The following GCGR variants were observed in gnomAD, a reference collection of about 807,000 sequenced individuals.
GCGR encodes glucagon receptor.
In GCGR, 41 loss-of-function variants were observed where a neutral mutation model predicts 56.1. That is an observed-to-expected ratio of 0.73 (90% CI 0.57 to 0.95). The LOEUF is 0.95. Among genes scored for constraint, GCGR ranks in the 40% least tolerant of loss-of-function variants. The pLI, the probability that GCGR is intolerant of heterozygous loss-of-function variation, is 0.00. For missense variants in GCGR, 595 were observed against 638.2 expected (o/e 0.93, Z 0.73); for synonymous variants, 278 against 271.1 (o/e 1.03, Z -0.25).
In GCGR at chr17:81,810,971, C is replaced by T. The variant is rs1157016484; in HGVS notation, c.271+39C>T. On this transcript the variant is annotated intron_variant, in intron 4 of 13. Transcript: ENST00000400723. The surrounding 1 kb of genome is among the most constrained non-coding windows in gnomAD (Gnocchi z 4.6). ...GGAGGAACTGTGGGGGGGGCGGGCC[C>T]AGGGTGGGGCTGACCCCAGCCTCCC... 10 of 1,416,290 alleles carry T rather than the reference C, an allele frequency of 7.1e-6. No homozygotes were observed. Among genetic ancestry groups the T allele is most frequent in the Non-Finnish European group, 9.6e-6 (10 of 1,043,532 alleles). The allele number at this position is 1,416,290 out of a possible 1,614,324, so 87.7% of individuals were successfully genotyped here. A position where few individuals can be genotyped will look rare whatever the true frequency, so the allele number is the denominator to read the frequency against.
rs146444812 is a variant in GCGR at position 81,806,158 on chromosome 17, C to T, written c.-178+1909C>T. ...GTGCTCAGCTGGAAATTGGTCCCCC[C>T]CCGGCTCCACCCACCCCTGTTGGGG... On this transcript the variant is annotated intron_variant, in intron 1 of 13. Coordinates refer to ENST00000400723, the MANE Select transcript of GCGR (RefSeq NM_000160.5). This position sits in a 1 kb window ranked among gnomAD's most constrained non-coding sequence, Gnocchi z 6.5. Among the ~76,000 whole-genome samples the T allele has an allele frequency of 1.8e-3, 271 of 152,264 alleles. No homozygotes were observed. Among genetic ancestry groups the T allele is most frequent in the African/African-American group, 6.1e-3 (254 of 41,544 alleles).
At chr17:81,809,988 C>A in intron 3 of GCGR, 104 bp downstream of exon 3, 1 of 865,222 alleles carries the variant, frequency 1.2e-6, no homozygotes, top group Non-Finnish European at 1.9e-6. Context: ...TTTGAGGACC[C>A]CGCCAAGGGG....
In GCGR at chr17:81,811,829, GA is replaced by G. The variant is rs1280646853; in HGVS notation, c.817+20del. On this transcript the variant is annotated intron_variant, in intron 8 of 13. Transcript: ENST00000400723. This position sits in a 1 kb window ranked among gnomAD's most constrained non-coding sequence, Gnocchi z 5.8. ...GGCTGGGGTGAGTGGGCTGGCATGA[GA>G]GGGGGTTAAGGCAGGCTGACCAAGC... 3.3e-6 allele frequency: 5 copies of G among 1,536,992 alleles called. No homozygotes were observed. Among genetic ancestry groups the G allele is most frequent in the Non-Finnish European group, 4.4e-6 (5 of 1,146,878 alleles).
rs1056254829 is a variant in GCGR, at chr17:81,806,781, C to T, written c.-177-2061C>T. On this transcript the variant is annotated intron_variant, in intron 1 of 13. Transcript: ENST00000400723. The surrounding 1 kb of genome is among the most constrained non-coding windows in gnomAD (Gnocchi z 6.5). Reference sequence around the variant, plus strand: ...GGTGGTCCTCCCCCCAGGGTGAGCACGCGTCCCCCCCCACCCCCACTTCGA... The same window carrying T: ...GGTGGTCCTCCCCCCAGGGTGAGCATGCGTCCCCCCCCACCCCCACTTCGA... Among the ~76,000 whole-genome samples the T allele has an allele frequency of 5.4e-4, 13 of 24,166 alleles. No individual in the cohort carries two copies. The highest frequency in any genetic ancestry group is 3.3e-3 in the Admixed American group (11 of 3,322). 15.9% of individuals were successfully genotyped at this position (24,166 alleles called of 152,430 possible). A position where few individuals can be genotyped will look rare whatever the true frequency, so the allele number is the denominator to read the frequency against.
At position 81,810,896 on chromosome 17, in the gene GCGR, A is replaced by G. The variant is rs1038824634; in HGVS notation, c.235A>G (p.Ile79Val). 55 of 1,535,950 alleles carry G rather than the reference A, an allele frequency of 3.6e-5. No homozygotes were observed. The highest frequency in any genetic ancestry group is 4.6e-5 in the Non-Finnish European group (53 of 1,146,634). The change falls in exon 4 of 14, where the codon ATC becomes GTC. Residue 79 changes from isoleucine (I) to valine (V), a missense_variant. Transcript: ENST00000400723. This position sits in a 1 kb window ranked among gnomAD's most constrained non-coding sequence, Gnocchi z 4.6. ...PDTPANTTAN[I>V]SCPWYLPWHH... ...CACCCCCGCCAATACCACGGCCAACATCTCCTGCCCCTGGTACCTGCCTTG... is the reference window on the plus strand; with the variant it reads ...CACCCCCGCCAATACCACGGCCAACGTCTCCTGCCCCTGGTACCTGCCTTG...
chr17:81,813,132 G>GCCAGCC lies in GCGR; in HGVS notation c.1218+79_1218+84dup. On this transcript the variant is annotated intron_variant, in intron 13 of 13. Transcript: ENST00000400723. The surrounding 1 kb of genome is among the most constrained non-coding windows in gnomAD (Gnocchi z 5.3). ...CAGGGGCAGAGAGAGGCACAGGGAT[G>GCCAGCC]CCAGCCCCACCCCTGCCCGGGGGTT... 1 of 1,529,834 alleles carries GCCAGCC rather than the reference G, an allele frequency of 6.5e-7. No homozygotes were observed. Among genetic ancestry groups the GCCAGCC allele is most frequent in the Non-Finnish European group, 8.8e-7 (1 of 1,142,820 alleles). 94.8% of individuals were successfully genotyped at this position (1,529,834 alleles called of 1,614,324 possible). A position where few individuals can be genotyped will look rare whatever the true frequency, so the allele number is the denominator to read the frequency against.
At position 81,812,433 on chromosome 17, in the gene GCGR, G is replaced by T; in HGVS notation, c.949-144G>T. The T allele has an allele frequency of 9.6e-7, 1 of 1,036,350 alleles. No individual in the cohort carries two copies. The highest frequency in any genetic ancestry group is 1.4e-6 in the Non-Finnish European group (1 of 716,354). The allele number at this position is 1,036,350 out of a possible 1,614,324, so 64.2% of individuals were successfully genotyped here. ...AGCCAGGCTGTTCCTCCCTGGCTGTGTGCCCACCAGCCCCAGGGCTATGTG... is the reference window on the plus strand; with the variant it reads ...AGCCAGGCTGTTCCTCCCTGGCTGTTTGCCCACCAGCCCCAGGGCTATGTG... On this transcript the variant is annotated intron_variant, in intron 10 of 13. Transcript: ENST00000400723. The surrounding 1 kb of genome is among the most constrained non-coding windows in gnomAD (Gnocchi z 8.5).
At chr17:81,805,807 C>T (rs2037950899) in intron 1 of GCGR, among the ~76,000 whole-genome samples, 1 of 152,122 alleles carries the variant, frequency 6.6e-6, no homozygotes, top group South Asian at 2.1e-4. Flanking sequence ...GTGGGTCGTC[C>T]CACCTACCAG....
Position 81,811,438 on chromosome 17 carries a change from A to G in GCGR, c.535A>G (p.Asn179Asp), listed in dbSNP as rs756243536. 1.3e-6 allele frequency: 2 copies of G among 1,536,572 alleles called. No homozygotes were observed. Among genetic ancestry groups the G allele is most frequent in the Non-Finnish European group, 1.7e-6 (2 of 1,146,854 alleles). Reference protein sequence around the residue: ...LHCTRNAIHANLFASFVLKAS... With the variant: ...LHCTRNAIHADLFASFVLKAS... ...CTGCACCCGCAATGCCATCCACGCG[A>G]ATCTGTTTGCGTCCTTCGTGCTGAA... Residue 179 changes from asparagine (N) to aspartate (D), a missense_variant, in exon 7 of 14, where the codon AAT becomes GAT. Transcript: ENST00000400723. The surrounding 1 kb of genome is among the most constrained non-coding windows in gnomAD (Gnocchi z 5.8).
rs1364717865 is a variant in GCGR at position 81,811,084 on chromosome 17, C to A, written c.346C>A (p.Arg116Ser). The A allele has an allele frequency of 6.5e-7, 1 of 1,536,038 alleles. No individual in the cohort carries two copies. The highest frequency in any genetic ancestry group is 8.7e-7 in the Non-Finnish European group (1 of 1,146,834). Residue 116 changes from arginine (R) to serine (S), a missense_variant, in exon 5 of 14, where the codon CGT (arginine) becomes AGT (serine). Coordinates refer to ENST00000400723, the MANE Select transcript of GCGR (RefSeq NM_000160.5). The surrounding 1 kb of genome is among the most constrained non-coding windows in gnomAD (Gnocchi z 5.8). The stretch of plus-strand genomic sequence containing the variant: ...GCGTGGACCCCGGGGGCAGCCTTGG[C>A]GTGATGCCTCCCAGTGCCAGATGGA... Reference protein sequence around the residue: ...WVRGPRGQPWRDASQCQMDGE... With the variant: ...WVRGPRGQPWSDASQCQMDGE...
In GCGR at chr17:81,810,859, C is replaced by A. The variant is rs1175216410; in HGVS notation, c.198C>A (p.Ser66=). 2.0e-6 allele frequency: 3 copies of A among 1,536,488 alleles called. No individual in the cohort carries two copies. The highest frequency in any genetic ancestry group is 2.7e-5 in the African/African-American group (2 of 73,016). ...LVCNRTFDKY[S]CWPDTPANTT... ...GCAACAGAACCTTCGACAAGTATTC[C>A]TGCTGGCCGGACACCCCCGCCAATA... The change falls in exon 4 of 14, where the codon TCC becomes TCA. Residue 66 remains serine (S), a synonymous_variant. Coordinates refer to ENST00000400723, the MANE Select transcript of GCGR (RefSeq NM_000160.5). This position sits in a 1 kb window ranked among gnomAD's most constrained non-coding sequence, Gnocchi z 4.6.
rs1264646918 is a variant in GCGR at position 81,810,886 on chromosome 17, C to T, written c.225C>T (p.Thr75=). 11 of 1,536,684 alleles carry T rather than the reference C, an allele frequency of 7.2e-6. No individual in the cohort carries two copies. The highest frequency in any genetic ancestry group is 9.6e-6 in the Non-Finnish European group (11 of 1,146,896). Residue 75 remains threonine (T), a synonymous_variant, in exon 4 of 14, where the codon ACC becomes ACT. Coordinates refer to ENST00000400723, the MANE Select transcript of GCGR (RefSeq NM_000160.5). This position sits in a 1 kb window ranked among gnomAD's most constrained non-coding sequence, Gnocchi z 4.6. The part of the protein sequence containing the change: ...YSCWPDTPAN[T]TANISCPWYL... ...GCTGGCCGGACACCCCCGCCAATAC[C>T]ACGGCCAACATCTCCTGCCCCTGGT...
At position 81,812,012 on chromosome 17, in the gene GCGR, A is replaced by G; in HGVS notation, c.878+66A>G. 1 of 1,518,058 alleles carries G rather than the reference A, an allele frequency of 6.6e-7. No homozygotes were observed. The highest frequency in any genetic ancestry group is 1.2e-5 in the South Asian group (1 of 83,616). 94.0% of individuals were successfully genotyped at this position (1,518,058 alleles called of 1,614,324 possible). On this transcript the variant is annotated intron_variant, in intron 9 of 13. Coordinates refer to ENST00000400723, the MANE Select transcript of GCGR (RefSeq NM_000160.5). This position sits in a 1 kb window ranked among gnomAD's most constrained non-coding sequence, Gnocchi z 8.5. ...GGCTGGGGTGCGGCGCTCTGGCCTG[A>G]GGCAGGGAGGGGCCGGGGATGAGCC...
At position 81,804,357 on chromosome 17, in the gene GCGR, C is replaced by A; in HGVS notation, c.-178+108C>A. ...GCCGGGGGCGCGGGGAGCGGGGAGC[C>A]GGCCGGGCGGTCTCCGGGGTCCGGG... On this transcript the variant is annotated intron_variant, in intron 1 of 13. Coordinates refer to ENST00000400723, the MANE Select transcript of GCGR (RefSeq NM_000160.5). This position sits in a 1 kb window ranked among gnomAD's most constrained non-coding sequence, Gnocchi z 8.2. The A allele has an allele frequency of 6.6e-6, 1 of 152,660 alleles. No individual in the cohort carries two copies. Among genetic ancestry groups the A allele is most frequent in the South Asian group, 1.8e-4 (1 of 5,562 alleles). 9.5% of individuals were successfully genotyped at this position (152,660 alleles called of 1,614,324 possible).
intron 2 of GCGR, among the ~76,000 whole-genome samples, 185 bp from the exon 3 acceptor site, chr17:81,809,585 GTCCATCTGCCTA>G (rs1261113934): frequency 2.7e-5 from 4 of 149,616 alleles, no homozygotes; most frequent in African/African-American, 5.0e-5. Context: ...CTGTCCGTCT[GTCCATCTGCCTA>G]TCCATCTGCC....
chr17:81,804,891 C>G lies in GCGR; in HGVS notation c.-178+642C>G, dbSNP rs1054192173. ...GGCTTATGCTCCGACTCTGAACCGA[C>G]TGACCCCGGCCCCCTCGGCGCCCGC... On this transcript the variant is annotated intron_variant, in intron 1 of 13. Coordinates refer to ENST00000400723, the MANE Select transcript of GCGR (RefSeq NM_000160.5). This position sits in a 1 kb window ranked among gnomAD's most constrained non-coding sequence, Gnocchi z 8.2. Among the ~76,000 whole-genome samples the G allele has an allele frequency of 5.3e-5, 8 of 152,202 alleles. No homozygotes were observed. The highest frequency in any genetic ancestry group is 3.9e-4 in the Admixed American group (6 of 15,286).
At chr17:81,807,263 A>G (rs2037983383) in intron 1 of GCGR, among the ~76,000 whole-genome samples, 1 of 152,212 alleles carries the variant, frequency 6.6e-6, no homozygotes, top group African/African-American at 2.4e-5. Flanking sequence ...CACCTGGCTC[A>G]GGAACTGGGG....
Position 81,812,483 on chromosome 17 carries a change from G to A in GCGR, c.949-94G>A. ...GGCCCAGGGCCTATCTTGCTGCCAG[G>A]CCCACCTGCAGGAGGGTCAGGTGGG... On this transcript the variant is annotated intron_variant, in intron 10 of 13. Transcript: ENST00000400723. The surrounding 1 kb of genome is among the most constrained non-coding windows in gnomAD (Gnocchi z 8.5). 7.9e-7 allele frequency: 1 copy of A among 1,267,584 alleles called. No homozygotes were observed. The highest frequency in any genetic ancestry group is 1.1e-6 in the Non-Finnish European group (1 of 919,568). The allele number at this position is 1,267,584 out of a possible 1,614,324, so 78.5% of individuals were successfully genotyped here. A position where few individuals can be genotyped will look rare whatever the true frequency, so the allele number is the denominator to read the frequency against.
Position 81,810,734 on chromosome 17 carries a change from G to A in GCGR, c.164-91G>A, listed in dbSNP as rs899092187. Reference sequence around the variant, plus strand: ...CTGGGCGAGGTGACGGCCGAGCTCAGGCTTCCAGAGAGAGGAGAGAGGCCT... The same window carrying A: ...CTGGGCGAGGTGACGGCCGAGCTCAAGCTTCCAGAGAGAGGAGAGAGGCCT... On this transcript the variant is annotated intron_variant, in intron 3 of 13. Transcript: ENST00000400723. The surrounding 1 kb of genome is among the most constrained non-coding windows in gnomAD (Gnocchi z 4.6). 1 of 1,267,100 alleles carries A rather than the reference G, an allele frequency of 7.9e-7. No individual in the cohort carries two copies. Among genetic ancestry groups the A allele is most frequent in the African/African-American group, 1.5e-5 (1 of 67,534 alleles). The allele number at this position is 1,267,100 out of a possible 1,614,324, so 78.5% of individuals were successfully genotyped here. A position where few individuals can be genotyped will look rare whatever the true frequency, so the allele number is the denominator to read the frequency against.
Sources: allele counts gnomAD v4.1 joint callset (sites outside exome capture counted in the v4.1 genomes callset), GRCh38; gene constraint gnomAD v4.1.1; non-coding constraint Gnocchi (gnomAD v3.1); transcripts MANE v1.5; gene names NCBI Gene and HGNC (gene_info 2026-07-23, HGNC 2026-07-21).